Variants in AGXT2 observed in about 807,000 individuals in gnomAD.
AGXT2 encodes alanine--glyoxylate aminotransferase 2, mitochondrial.
AGXT2 carries 61 observed loss-of-function variants against 62.5 expected under a neutral mutation model. That is an observed-to-expected ratio of 0.98 (90% CI 0.79 to 1.21). The LOEUF (loss-of-function observed/expected upper bound fraction) is 1.21. Among genes scored for constraint, AGXT2 ranks in the 50% most tolerant of loss-of-function variants. AGXT2 has a pLI of 0.00. For missense variants in AGXT2, 666 were observed against 641.5 expected (o/e 1.04, Z -0.41); for synonymous variants, 243 against 218.7 (o/e 1.11, Z -0.98).
In AGXT2 at chr5:34,998,559, A is replaced by G. The variant is rs1766112617; in HGVS notation, c.*160T>C. ...TTCTCAAGATAAGAGGGGCTCTGCT[A>G]ACAAATATGGTTGGTAGGCAGTCAA... On this transcript the variant is annotated 3_prime_UTR_variant, in exon 14 of 14. Coordinates refer to ENST00000231420, the MANE Select transcript of AGXT2 (RefSeq NM_031900.4). The G allele has an allele frequency of 1.5e-6, 1 of 653,434 alleles. No homozygotes were observed. The allele number at this position is 653,434 out of a possible 1,614,324, so 40.5% of individuals were successfully genotyped here.
At chr5:35,029,574 G>T (rs1248884465) in intron 7 of AGXT2, among the ~76,000 whole-genome samples, 2 of 152,254 alleles carry the variant, frequency 1.3e-5, no homozygotes, top group Non-Finnish European at 1.5e-5. Context: ...GTGGAGACAG[G>T]ATGTTCTGTT....
intron 6 of AGXT2, chr5:35,033,089 A>G (rs750853041): frequency 4.0e-6 from 2 of 503,312 alleles, no homozygotes; most frequent in Non-Finnish European, 7.2e-6. Context: ...AGGGCATCTG[A>G]AAGAATAAGA....
At chr5:35,038,247 A>C (rs1167621255) in intron 3 of AGXT2, among the ~76,000 whole-genome samples, 1 of 152,208 alleles carries the variant, frequency 6.6e-6, no homozygotes, top group Non-Finnish European at 1.5e-5. Flanking sequence ...AATCCTTGAA[A>C]AGAAGAGACA....
intron 13 of AGXT2, among the ~76,000 whole-genome samples, chr5:34,999,963 C>G (rs1766168920): frequency 6.6e-6 from 1 of 152,350 alleles, no homozygotes; most frequent in South Asian, 2.1e-4. Flanking sequence ...TAACCCCAAT[C>G]TAGACCACAC....
At chr5:35,021,417 T>C (rs1438155383) in intron 9 of AGXT2, among the ~76,000 whole-genome samples, 168 of 149,948 alleles carry the variant, frequency 1.1e-3, no homozygotes, top group African/African-American at 3.8e-3. Context: ...GAAATAATGC[T>C]GCATATCTAC....
chr5:35,005,989 T>C (rs1766406459), intron 12 of AGXT2, among the ~76,000 whole-genome samples: 1 of 152,186 alleles, frequency 6.6e-6, no homozygotes, highest in African/African-American at 2.4e-5. Context: ...ACAGATACTT[T>C]TTCTATGCAT....
chr5:35,024,480 C>CACAG (rs1336565745), intron 9 of AGXT2, among the ~76,000 whole-genome samples: 1 of 152,172 alleles, frequency 6.6e-6, no homozygotes, highest in Non-Finnish European at 1.5e-5. Flanking sequence ...TTTGAAAACA[C>CACAG]ACAGGCTAGA....
chr5:35,037,158 T>A (rs1337134300), intron 3 of AGXT2, 93 bp from the exon 4 acceptor site: 8 of 1,568,342 alleles, frequency 5.1e-6, no homozygotes, highest in Admixed American at 1.8e-5. Context: ...CTGTTTTTTC[T>A]CAAAGAGTTT....
intron 11 of AGXT2, 57 bp from the exon 12 acceptor site, chr5:35,010,206 G>A: frequency 6.2e-7 from 1 of 1,606,280 alleles, no homozygotes; most frequent in Non-Finnish European, 8.5e-7. Context: ...GATTGACTGA[G>A]AATCGTGGAG....
chr5:35,035,350 T>C (rs1298747304), intron 4 of AGXT2, 34 bp from the exon 5 acceptor site: 5 of 1,570,684 alleles, frequency 3.2e-6, no homozygotes, highest in Admixed American at 1.7e-5. Context: ...GGCCTCATAA[T>C]TTATTTCCTT....
rs151306274 is a variant in AGXT2 at position 35,027,884 on chromosome 5, G to A, written c.770-1374C>T. On this transcript the variant is annotated intron_variant, in intron 7 of 13. Coordinates refer to ENST00000231420, the MANE Select transcript of AGXT2 (RefSeq NM_031900.4). ...AAACTTTCAGTGGTGGCTCCTCCCA[G>A]TCCCTCCACTTCCATTCAGCACCAG... Among the ~76,000 whole-genome samples the A allele has an allele frequency of 1.5e-3, 229 of 150,266 alleles. 1 individual carries two copies. The highest frequency in any genetic ancestry group is 5.5e-3 in the African/African-American group (224 of 40,930).
At chr5:35,047,466 C>T (rs1768280253) in intron 1 of AGXT2, among the ~76,000 whole-genome samples, 1 of 152,068 alleles carries the variant, frequency 6.6e-6, no homozygotes, top group African/African-American at 2.4e-5. Context: ...TAGAAATCAT[C>T]CTTGGGCATC....
At chr5:35,000,791 G>T (rs1766202306) in intron 13 of AGXT2, among the ~76,000 whole-genome samples, 1 of 152,224 alleles carries the variant, frequency 6.6e-6, no homozygotes, top group African/African-American at 2.4e-5. Context: ...CTGTGTAAAT[G>T]CTGATGACCT....
rs1766743848 is a variant in AGXT2, at chr5:35,013,936, A to G, written c.1096+51T>C. The G allele has an allele frequency of 2.5e-6, 4 of 1,613,330 alleles. No homozygotes were observed. In the East Asian group the frequency reaches 8.9e-5, roughly 36 times the overall value. ...AGTTCCAACACACGTGTTATACCAT[A>G]GCCCAATGTACGAGGCCCAGAAGCA... is the stretch of plus-strand genomic sequence containing the variant. On this transcript the variant is annotated intron_variant, in intron 10 of 13. Coordinates refer to ENST00000231420, the MANE Select transcript of AGXT2 (RefSeq NM_031900.4).
chr5:35,035,281 A>G lies in AGXT2; in HGVS notation c.522T>C (p.Asn174=), dbSNP rs1767719249. ...CCCTGGCCATCAGCATGGCCAGCTC[A>G]TTGGCTTCTGAGCCACTGTTCACCA... ...IFLVNSGSEA[N]ELAMLMARAH... The change falls in exon 5 of 14, where the codon AAT becomes AAC. Residue 174 remains asparagine (N), a synonymous_variant. Transcript: ENST00000231420. 6.2e-7 allele frequency: 1 copy of G among 1,613,932 alleles called. No individual in the cohort carries two copies. Among genetic ancestry groups the G allele is most frequent in the African/African-American group, 1.3e-5 (1 of 74,914 alleles).
chr5:35,035,458 A>G (rs563031117), intron 4 of AGXT2, 142 bp from the exon 5 acceptor site: 3 of 719,810 alleles, frequency 4.2e-6, no homozygotes, highest in Admixed American at 4.0e-5. Flanking sequence ...CAGCAGTTCC[A>G]TCATTTAACC....
At chr5:35,037,101 G>A (rs751011760) in intron 3 of AGXT2, 36 bp from the exon 4 acceptor site, 18 of 1,612,774 alleles carry the variant, frequency 1.1e-5, no homozygotes, top group Admixed American at 3.3e-5. Flanking sequence ...CCTGCACTGC[G>A]TGCCACGTCC....
At chr5:35,014,245 A>T in intron 9 of AGXT2, 126 bp from the exon 10 acceptor site, 2 of 1,284,686 alleles carry the variant, frequency 1.6e-6, no homozygotes, top group East Asian at 5.1e-5. Context: ...TGAGGTCAGG[A>T]GTTCAAGACC....
chr5:35,015,304 A>G (rs1349295846), intron 9 of AGXT2, among the ~76,000 whole-genome samples: 1 of 152,228 alleles, frequency 6.6e-6, no homozygotes, highest in Non-Finnish European at 1.5e-5. Flanking sequence ...CCTGATACAA[A>G]GTAGACACTT....
Sources: allele counts gnomAD v4.1 joint callset (sites outside exome capture counted in the v4.1 genomes callset), GRCh38; gene constraint gnomAD v4.1.1; transcripts MANE v1.5; gene names NCBI Gene and HGNC (gene_info 2026-07-23, HGNC 2026-07-21).